PSMC1: variants seen among roughly 807,000 people sequenced by gnomAD.
PSMC1 encodes the protein 26S proteasome regulatory subunit 4.
Under a neutral mutation model 49.8 loss-of-function variants are expected in PSMC1, and 5 were observed. The observed-to-expected ratio is 0.10, with a 90% CI of 0.05 to 0.21. PSMC1 has a LOEUF of 0.21. Ranked by LOEUF, PSMC1 falls within the 10% of genes least tolerant of loss-of-function variation. The pLI, the probability that PSMC1 is intolerant of heterozygous loss-of-function variation, is 1.00. For synonymous variants in PSMC1, 155 were observed against 192.1 expected, an observed-to-expected ratio of 0.81 and a Z score of 1.60; for missense variants, 181 against 535.7, an observed-to-expected ratio of 0.34 and a Z score of 6.54.
chr14:90,275,219 C>T lies in PSMC1; in HGVS notation c.*2812C>T, dbSNP rs990893767. On this transcript the variant is annotated 3_prime_UTR_variant, in exon 11 of 11. Transcript: ENST00000261303. ...AGATGACAACCAAGTGCAGCTCCTG[C>T]TCCTGAACTGGATCCTTTTCCTAGA... is the stretch of plus-strand genomic sequence containing the variant. 2 of 152,198 alleles carry T rather than the reference C, an allele frequency of 1.3e-5. No individual in the cohort carries two copies. The highest frequency in any genetic ancestry group is 2.9e-5 in the Non-Finnish European group (2 of 68,062). The allele number at this position is 152,198 out of a possible 1,614,324, so 9.4% of individuals were successfully genotyped here.
At chr14:90,268,736 CA>C in intron 8 of PSMC1, 1 of 243,152 alleles carries the variant, frequency 4.1e-6, no homozygotes, top group South Asian at 1.3e-4. Context: ...GATCAGATAC[CA>C]AACATGGAAA....
chr14:90,262,156 G>A, intron 3 of PSMC1, among the ~76,000 whole-genome samples: 1 of 62,026 alleles, frequency 1.6e-5, no homozygotes, highest in Middle Eastern at 0.011. Flanking sequence ...TCGTGGGGTG[G>A]GGGGAGGGGG....
chr14:90,265,857 T>G (rs1891498662), intron 7 of PSMC1, among the ~76,000 whole-genome samples: 1 of 138,982 alleles, frequency 7.2e-6, no homozygotes, highest in African/African-American at 2.5e-5. Context: ...AGACCCTGTC[T>G]GAAAAAAAGA....
chr14:90,256,624 C>G, intron 1 of PSMC1, 24 bp downstream of exon 1: 1 of 1,583,846 alleles, frequency 6.3e-7, no homozygotes. Context: ...GGTTTCTTTC[C>G]GCTGGTCGTC....
At chr14:90,257,447 T>G (rs1383538407) in intron 1 of PSMC1, among the ~76,000 whole-genome samples, 1 of 151,998 alleles carries the variant, frequency 6.6e-6, no homozygotes, top group Non-Finnish European at 1.5e-5. Context: ...GAGGTGAAAT[T>G]TGAGCGGACC....
At position 90,272,529 on chromosome 14, in the gene PSMC1, G is replaced by A. The variant is rs938776593; in HGVS notation, c.*122G>A. 4 of 640,172 alleles carry A rather than the reference G, an allele frequency of 6.2e-6. No homozygotes were observed. The highest frequency in any genetic ancestry group is 2.9e-5 in the East Asian group (1 of 34,776). The allele number at this position is 640,172 out of a possible 1,614,324, so 39.7% of individuals were successfully genotyped here. A position where few individuals can be genotyped will look rare whatever the true frequency, so the allele number is the denominator to read the frequency against. On this transcript the variant is annotated 3_prime_UTR_variant, in exon 11 of 11. Transcript: ENST00000261303. The surrounding 1 kb of genome is among the most constrained non-coding windows in gnomAD (Gnocchi z 4.5). ...CTGATTTTTATTAGCAAAACATCCT[G>A]TGTCTTTTGGAGTACGATGTGTAAG...
chr14:90,274,804 AC>A lies in PSMC1; in HGVS notation c.*2398del, dbSNP rs1891760126. On this transcript the variant is annotated 3_prime_UTR_variant, in exon 11 of 11. Coordinates refer to ENST00000261303, the MANE Select transcript of PSMC1 (RefSeq NM_002802.3). ...TAGGGAACTACACACACACACACAC[AC>A]ACACACACACACACACACACACACA... is the stretch of plus-strand genomic sequence containing the variant. 1.5e-5 allele frequency: 1 copy of A among 66,876 alleles called. No homozygotes were observed. Among genetic ancestry groups the A allele is most frequent in the Non-Finnish European group, 3.0e-5 (1 of 33,284 alleles). 4.1% of individuals were successfully genotyped at this position (66,876 alleles called of 1,614,324 possible).
chr14:90,269,676 CAA>C (rs1306811845), intron 9 of PSMC1, 128 bp downstream of exon 9: 2 of 1,062,954 alleles, frequency 1.9e-6, no homozygotes, highest in Non-Finnish European at 2.7e-6. Flanking sequence ...GGATAATTTA[CAA>C]AAAAATAGGT....
At position 90,273,099 on chromosome 14, in the gene PSMC1, T is replaced by C. The variant is rs568640894; in HGVS notation, c.*692T>C. 2 of 152,294 alleles carry C rather than the reference T, an allele frequency of 1.3e-5. No homozygotes were observed. Among genetic ancestry groups the C allele is most frequent in the Admixed American group, 1.3e-4 (2 of 15,290 alleles). 9.4% of individuals were successfully genotyped at this position (152,294 alleles called of 1,614,324 possible). ...TCCCTTTCTCCGTCTATTTCCGTCA[T>C]TTCTCTTTCTGAACAAATCAGGCCT... is the stretch of plus-strand genomic sequence containing the variant. On this transcript the variant is annotated 3_prime_UTR_variant, in exon 11 of 11. Transcript: ENST00000261303.
At chr14:90,267,795 C>T (rs1409227550) in intron 7 of PSMC1, 2 of 158,286 alleles carry the variant, frequency 1.3e-5, no homozygotes, top group African/African-American at 4.8e-5. Context: ...GCTCTACAGC[C>T]CTGGGTTGGA....
Position 90,272,356 on chromosome 14 carries a change from A to G in PSMC1, c.1272A>G (p.Glu424=). 2 of 1,601,100 alleles carry G rather than the reference A, an allele frequency of 1.2e-6. No individual in the cohort carries two copies. Among genetic ancestry groups the G allele is most frequent in the Non-Finnish European group, 8.5e-7 (1 of 1,175,384 alleles). The change falls in exon 11 of 11, where the codon GAA becomes GAG. Residue 424 remains glutamate, a synonymous_variant. Transcript: ENST00000261303. The surrounding 1 kb of genome is among the most constrained non-coding windows in gnomAD (Gnocchi z 4.5). ...VTNEDFKKSK[E]NVLYKKQEGT... ...ATGAAGACTTCAAAAAATCTAAAGA[A>G]AATGTTCTTTATAAGAAACAGGAAG...
chr14:90,265,513 A>AC (rs1380938678), intron 7 of PSMC1, among the ~76,000 whole-genome samples: 1 of 151,610 alleles, frequency 6.6e-6, no homozygotes, highest in Non-Finnish European at 1.5e-5. Context: ...ATGTGGTGAA[A>AC]CCCCGTCTCT....
At chr14:90,263,941 C>G in intron 5 of PSMC1, 94 bp downstream of exon 5, 1 of 1,585,480 alleles carries the variant, frequency 6.3e-7, no homozygotes, top group Non-Finnish European at 8.6e-7. Context: ...ATCACCAAAG[C>G]ACTCCTCAGG....
intron 1 of PSMC1, among the ~76,000 whole-genome samples, chr14:90,258,206 A>G (rs891344614): frequency 6.6e-6 from 1 of 152,184 alleles, no homozygotes; most frequent in African/African-American, 2.4e-5. Context: ...TTATCTGCAA[A>G]TGAGGGGGTA....
At chr14:90,258,855 T>A (rs1314007190) in intron 1 of PSMC1, among the ~76,000 whole-genome samples, 1 of 152,116 alleles carries the variant, frequency 6.6e-6, no homozygotes, top group African/African-American at 2.4e-5. Context: ...AAGAGGGGGG[T>A]GATCTTAAGA....
intron 5 of PSMC1, 73 bp downstream of exon 5, chr14:90,263,920 C>T (rs535256850): frequency 1.5e-5 from 24 of 1,594,708 alleles, no homozygotes; most frequent in African/African-American, 1.2e-4. Flanking sequence ...CTTCCTGTCC[C>T]GTGGAAGTAG....
chr14:90,259,362 TA>T (rs1891352503), intron 2 of PSMC1, 149 bp downstream of exon 2: 1 of 633,856 alleles, frequency 1.6e-6, no homozygotes, highest in South Asian at 2.4e-5. Flanking sequence ...ATACAATAAA[TA>T]TGCTTTTCAT....
rs997158867 is a variant in PSMC1, at chr14:90,275,397, TAA to T, written c.*2991_*2992del. The stretch of plus-strand genomic sequence containing the variant: ...TTTGTAACGCACTTGCATCTTTTCC[TAA>T]GTTTGAGATTAAAAAAAACAAAAAA... On this transcript the variant is annotated 3_prime_UTR_variant, in exon 11 of 11. Transcript: ENST00000261303. 1 of 152,174 alleles carries T rather than the reference TAA, an allele frequency of 6.6e-6. No individual in the cohort carries two copies. The highest frequency in any genetic ancestry group is 1.5e-5 in the Non-Finnish European group (1 of 68,046). 9.4% of individuals were successfully genotyped at this position (152,174 alleles called of 1,614,324 possible). A position where few individuals can be genotyped will look rare whatever the true frequency, so the allele number is the denominator to read the frequency against.
At chr14:90,260,890 A>AAAAT (rs1398422194) in intron 3 of PSMC1, among the ~76,000 whole-genome samples, 1 of 152,244 alleles carries the variant, frequency 6.6e-6, no homozygotes, top group African/African-American at 2.4e-5. Flanking sequence ...ACTCTGTCTC[A>AAAAT]AAATAAATAA....
Sources: gnomAD v4.1 joint callset for allele counts (sites outside exome capture counted in the v4.1 genomes callset) on GRCh38, gnomAD v4.1.1 for gene constraint, Gnocchi (gnomAD v3.1) non-coding constraint, MANE v1.5 for transcripts, NCBI Gene and HGNC (gene_info 2026-07-23, HGNC 2026-07-21) for gene names.